The following RERE variants were observed in gnomAD, a reference collection of about 807,000 sequenced individuals.
RERE encodes the protein arginine-glutamic acid dipeptide repeats.
Under a neutral mutation model 146.1 loss-of-function variants are expected in RERE, and 40 were observed. That is an observed-to-expected ratio of 0.27 (90% CI 0.21 to 0.36). RERE has a LOEUF of 0.36. Ranked by LOEUF, RERE falls within the 10% of genes least tolerant of loss-of-function variation. The pLI, the probability that RERE is intolerant of heterozygous loss-of-function variation, is 1.00. For synonymous variants in RERE, 1,003 were observed against 866.0 expected (o/e 1.16, Z -2.78); for missense variants, 1,933 against 2,138.7 (o/e 0.90, Z 1.90).
intron 6 of RERE, among the ~76,000 whole-genome samples, chr1:8,542,230 T>A (rs1233657649): frequency 6.6e-6 from 1 of 152,048 alleles, no homozygotes; most frequent in African/African-American, 2.4e-5. Flanking sequence ...TAATGCCAAG[T>A]GGAAGCCAAA....
intron 1 of RERE, among the ~76,000 whole-genome samples, chr1:8,724,198 A>G (rs949586292): frequency 3.9e-5 from 6 of 152,212 alleles, no homozygotes; most frequent in Non-Finnish European, 7.4e-5. Flanking sequence ...ACAACCCTGG[A>G]TATTTGCATA....
intron 11 of RERE, among the ~76,000 whole-genome samples, chr1:8,452,668 C>T (rs923192315): frequency 1.3e-5 from 2 of 152,136 alleles, no homozygotes; most frequent in East Asian, 1.9e-4. Context: ...GTGGATACAA[C>T]GGTCTCAAAC....
At chr1:8,726,824 GAGA>G (rs929599370) in intron 1 of RERE, among the ~76,000 whole-genome samples, 13 of 139,236 alleles carry the variant, frequency 9.3e-5, no homozygotes, top group African/African-American at 3.2e-4. Context: ...TTTATTTATT[GAGA>G]AGAAGTCTCC....
At chr1:8,454,821 A>T (rs1260068777) in intron 11 of RERE, among the ~76,000 whole-genome samples, 1 of 150,674 alleles carries the variant, frequency 6.6e-6, no homozygotes, top group Admixed American at 6.6e-5. Context: ...ACAAACAAAC[A>T]AACAACAAAA....
At chr1:8,742,638 T>A (rs553708374) in intron 1 of RERE, among the ~76,000 whole-genome samples, 1 of 152,080 alleles carries the variant, frequency 6.6e-6, no homozygotes, top group South Asian at 2.1e-4. Context: ...CTAGGCAACA[T>A]GGCAAAACCC....
chr1:8,617,746 T>C (rs1162965283), intron 3 of RERE, among the ~76,000 whole-genome samples: 1 of 152,228 alleles, frequency 6.6e-6, no homozygotes, highest in Admixed American at 6.5e-5. Context: ...ACACGTATAC[T>C]AGGCCCTCAT....
chr1:8,594,517 G>T (rs960602190), intron 4 of RERE, among the ~76,000 whole-genome samples: 5 of 152,138 alleles, frequency 3.3e-5, no homozygotes, highest in Non-Finnish European at 5.9e-5. Context: ...AGACAGAGGC[G>T]CAGAAACCAC....
At chr1:8,519,242 C>T (rs7539382) in intron 7 of RERE, among the ~76,000 whole-genome samples, 25,307 of 151,958 alleles carry the variant, frequency 0.17, 2,390 homozygotes, top group Middle Eastern at 0.29. Context: ...ACAAAAAACC[C>T]AACCAACCAA....
intron 12 of RERE, among the ~76,000 whole-genome samples, chr1:8,416,478 C>A (rs1035203900): frequency 6.7e-6 from 1 of 150,002 alleles, no homozygotes. Flanking sequence ...CCCAGCTACT[C>A]GGGAGGCTGA....
chr1:8,447,529 A>G (rs941832749), intron 11 of RERE, among the ~76,000 whole-genome samples: 1 of 152,078 alleles, frequency 6.6e-6, no homozygotes, highest in Non-Finnish European at 1.5e-5. Context: ...TCTGTTTATT[A>G]GTTTTCCTTC....
intron 11 of RERE, 36 bp downstream of exon 11, chr1:8,465,888 GC>G: frequency 6.4e-7 from 1 of 1,573,120 alleles, no homozygotes. Flanking sequence ...GTGGCCCGAT[GC>G]CCCAGAGCAC....
intron 4 of RERE, among the ~76,000 whole-genome samples, chr1:8,559,446 C>T (rs1329910267): frequency 2.0e-5 from 3 of 151,714 alleles, no homozygotes; most frequent in African/African-American, 7.3e-5. Flanking sequence ...TAGAATAATC[C>T]TACATGATGA....
chr1:8,635,470 G>A (rs990132881), intron 2 of RERE, among the ~76,000 whole-genome samples: 1 of 152,274 alleles, frequency 6.6e-6, no homozygotes, highest in East Asian at 1.9e-4. Flanking sequence ...GCCCTAAGAG[G>A]CTCTGGATGC....
chr1:8,409,511 C>G (rs1172483062), intron 12 of RERE, among the ~76,000 whole-genome samples: 1 of 152,194 alleles, frequency 6.6e-6, no homozygotes, highest in Non-Finnish European at 1.5e-5. Flanking sequence ...TTTGGACTGA[C>G]AGCAAATCCC....
rs560368444 is a variant in RERE at position 8,542,987 on chromosome 1, G to T, written c.726-1669C>A. 2.8e-4 allele frequency among the ~76,000 whole-genome samples: 43 copies of T among 152,192 alleles called. No individual in the cohort carries two copies. In the South Asian group the frequency reaches 8.9e-3, roughly 32 times the overall value. On this transcript the variant is annotated intron_variant, in intron 6 of 22. Transcript: ENST00000400908. ...GAGAACTGAATTTAAAATTTTATTT[G>T]ATCTTAACAAATAAATTATTTGATC... is the stretch of plus-strand genomic sequence containing the variant.
chr1:8,564,852 G>GTGTGTT (rs1557688950), intron 4 of RERE, among the ~76,000 whole-genome samples: 1 of 142,478 alleles, frequency 7.0e-6, no homozygotes, highest in East Asian at 2.0e-4. Flanking sequence ...GTGTGTGTGT[G>GTGTGTT]TGTGTGTGTG....
chr1:8,454,990 C>T (rs301811), intron 11 of RERE, among the ~76,000 whole-genome samples: 129,404 of 151,874 alleles, frequency 0.85, 55,511 homozygotes, highest in East Asian at 0.94. Flanking sequence ...TTTCCTGCTT[C>T]TGCCCACCAA....
At chr1:8,750,560 G>T in intron 1 of RERE, 1 of 992,124 alleles carries the variant, frequency 1.0e-6, no homozygotes, top group Non-Finnish European at 1.6e-6. Flanking sequence ...GCTTTGAAAG[G>T]CAAGGAAGAA....
chr1:8,498,279 A>G (rs569233302), intron 8 of RERE, among the ~76,000 whole-genome samples: 1 of 152,174 alleles, frequency 6.6e-6, no homozygotes, highest in Non-Finnish European at 1.5e-5. Flanking sequence ...AACTGCTTAA[A>G]CCCGGGAGGC....
Sources: allele counts gnomAD v4.1 joint callset (sites outside exome capture counted in the v4.1 genomes callset), GRCh38; gene constraint gnomAD v4.1.1; transcripts MANE v1.5; gene names NCBI Gene and HGNC (gene_info 2026-07-23, HGNC 2026-07-21).